The following GRIA1 variants were observed in gnomAD, a reference collection of about 807,000 sequenced individuals.
The protein encoded by GRIA1 is glutamate receptor 1.
In GRIA1, 31 loss-of-function variants were observed where a neutral mutation model predicts 99.2. The ratio of observed to expected loss-of-function variants is 0.31; its 90% CI spans 0.23 to 0.42. The LOEUF (loss-of-function observed/expected upper bound fraction) is 0.42, where lower values mean the gene tolerates loss of function less well. Ranked by LOEUF, GRIA1 falls within the 10% of genes least tolerant of loss-of-function variation. The probability of loss-of-function intolerance (pLI) is 1.00; values close to 1 mark genes in which losing one functional copy is unlikely to be tolerated. For missense variants in GRIA1, 782 were observed against 1,157.5 expected (o/e 0.68, Z 4.71); for synonymous variants, 438 against 432.4 (o/e 1.01, Z -0.16).
intron 14 of GRIA1, chr5:153,795,600 C>T (rs771625817): frequency 1.7e-5 from 26 of 1,497,020 alleles, no homozygotes; most frequent in Admixed American, 1.7e-5. Flanking sequence ...GGTCAGTCAC[C>T]GGCTACAGAG....
intron 2 of GRIA1, among the ~76,000 whole-genome samples, chr5:153,495,433 T>C (rs1194804027): frequency 3.9e-5 from 6 of 152,308 alleles, no homozygotes; most frequent in Admixed American, 2.6e-4. Flanking sequence ...TTTTGAGACC[T>C]GAAGGTCCAT....
chr5:153,666,363 G>T (rs1453632204), intron 5 of GRIA1, among the ~76,000 whole-genome samples: 1 of 152,178 alleles, frequency 6.6e-6, no homozygotes, highest in African/African-American at 2.4e-5. Context: ...GGCCTAGAGA[G>T]ATAGGAATAA....
At chr5:153,610,848 T>C (rs1237007611) in intron 2 of GRIA1, among the ~76,000 whole-genome samples, 1 of 152,222 alleles carries the variant, frequency 6.6e-6, no homozygotes, top group Non-Finnish European at 1.5e-5. Context: ...ATAATTAATT[T>C]TGTTTTAGTA....
At chr5:153,690,075 G>A (rs905319737) in intron 8 of GRIA1, among the ~76,000 whole-genome samples, 9 of 152,186 alleles carry the variant, frequency 5.9e-5, no homozygotes, top group Non-Finnish European at 1.2e-4. Context: ...TATTTAAAAC[G>A]CAGATTCCTG....
intron 8 of GRIA1, among the ~76,000 whole-genome samples, chr5:153,695,653 A>G (rs1758042881): frequency 1.3e-5 from 2 of 152,244 alleles, no homozygotes; most frequent in South Asian, 4.1e-4. Context: ...GTCCCCTTCC[A>G]GTTCTGACAT....
intron 11 of GRIA1, among the ~76,000 whole-genome samples, chr5:153,722,624 G>T (rs1431503418): frequency 6.6e-6 from 1 of 152,182 alleles, no homozygotes; most frequent in Non-Finnish European, 1.5e-5. Flanking sequence ...ATACATGCAG[G>T]TCTGTGTCTG....
intron 2 of GRIA1, among the ~76,000 whole-genome samples, chr5:153,544,223 C>T (rs1047308155): frequency 2.0e-5 from 3 of 152,196 alleles, no homozygotes; most frequent in African/African-American, 7.2e-5. Context: ...TCAGTCTTTT[C>T]CTTGGTAACC....
chr5:153,574,065 A>G (rs1581251131), intron 2 of GRIA1, among the ~76,000 whole-genome samples: 1 of 152,202 alleles, frequency 6.6e-6, no homozygotes, highest in Non-Finnish European at 1.5e-5. Context: ...GCAGAGAGGC[A>G]ACACAGTGAT....
intron 2 of GRIA1, among the ~76,000 whole-genome samples, chr5:153,624,717 C>T (rs778347075): frequency 4.6e-5 from 7 of 152,054 alleles, no homozygotes; most frequent in Non-Finnish European, 8.8e-5. Flanking sequence ...GGCCACAGAC[C>T]GAAAAGGACT....
At chr5:153,733,803 A>G (rs576350505) in intron 11 of GRIA1, among the ~76,000 whole-genome samples, 1 of 152,306 alleles carries the variant, frequency 6.6e-6, no homozygotes, top group East Asian at 1.9e-4. Context: ...ACATTGATCA[A>G]GAGGATATAA....
chr5:153,710,161 T>A (rs543479194), intron 11 of GRIA1, among the ~76,000 whole-genome samples: 1 of 151,968 alleles, frequency 6.6e-6, no homozygotes, highest in South Asian at 2.1e-4. Context: ...TTTATTTTTT[T>A]AATTAGGTTG....
chr5:153,560,402 T>C (rs938358498), intron 2 of GRIA1, among the ~76,000 whole-genome samples: 2 of 152,190 alleles, frequency 1.3e-5, no homozygotes, highest in African/African-American at 4.8e-5. Context: ...TGGAGGCTGA[T>C]ATGGTGTGGC....
At chr5:153,565,257 A>G (rs772072723) in intron 2 of GRIA1, among the ~76,000 whole-genome samples, 12 of 152,200 alleles carry the variant, frequency 7.9e-5, no homozygotes, top group Admixed American at 5.2e-4. Context: ...TTATCACATT[A>G]TCTAACATAT....
At chr5:153,727,967 A>G (rs1488452869) in intron 11 of GRIA1, among the ~76,000 whole-genome samples, 1 of 151,620 alleles carries the variant, frequency 6.6e-6, no homozygotes, top group Non-Finnish European at 1.5e-5. Flanking sequence ...GCATCACGCT[A>G]CCTGACTTCA....
At chr5:153,695,103 G>A (rs1333070568) in intron 8 of GRIA1, among the ~76,000 whole-genome samples, 2 of 152,172 alleles carry the variant, frequency 1.3e-5, no homozygotes, top group East Asian at 3.9e-4. Flanking sequence ...ACAAGACCTG[G>A]GTTCTATGTT....
chr5:153,735,224 G>A (rs1050760007), intron 11 of GRIA1, among the ~76,000 whole-genome samples: 16 of 152,146 alleles, frequency 1.1e-4, no homozygotes, highest in Admixed American at 3.9e-4. Context: ...AGGAAGAGCC[G>A]CAGACAAAAC....
chr5:153,550,669 C>T (rs560382666), intron 2 of GRIA1, among the ~76,000 whole-genome samples: 1 of 152,236 alleles, frequency 6.6e-6, no homozygotes, highest in African/African-American at 2.4e-5. Context: ...AACATTCTGA[C>T]CTTGGACAAA....
chr5:153,754,626 C>T (rs1376582243), intron 11 of GRIA1, among the ~76,000 whole-genome samples: 5 of 152,140 alleles, frequency 3.3e-5, no homozygotes, highest in Admixed American at 2.6e-4. Context: ...GAAAAGGAGG[C>T]AGCCATCCTG....
intron 11 of GRIA1, among the ~76,000 whole-genome samples, chr5:153,755,154 AC>A (rs917175799): frequency 2.0e-5 from 3 of 152,200 alleles, no homozygotes; most frequent in African/African-American, 7.2e-5. Flanking sequence ...GGGCCAGATC[AC>A]ACAAGGCCTC....
Sources: allele counts gnomAD v4.1 joint callset (sites outside exome capture counted in the v4.1 genomes callset), GRCh38; gene constraint gnomAD v4.1.1; transcripts MANE v1.5; gene names NCBI Gene and HGNC (gene_info 2026-07-23, HGNC 2026-07-21).